GDI2: variants seen among roughly 807,000 people sequenced by gnomAD.
GDI2 encodes the protein GDP dissociation inhibitor 2.
GDI2 carries 22 observed loss-of-function variants against 54.2 expected under a neutral mutation model. The observed-to-expected ratio is 0.41, with a 90% CI of 0.29 to 0.58. The LOEUF (loss-of-function observed/expected upper bound fraction) is 0.58, where lower values mean the gene tolerates loss of function less well. GDI2 is among the 20% of genes least tolerant of loss of function. GDI2 has a pLI of 0.35. For synonymous variants in GDI2, 177 were observed against 182.1 expected (o/e 0.97, Z 0.23); for missense variants, 422 against 546.0 (o/e 0.77, Z 2.26).
At chr10:5,780,871 A>C (rs1840738714) in intron 6 of GDI2, among the ~76,000 whole-genome samples, 2 of 152,200 alleles carry the variant, frequency 1.3e-5, no homozygotes, top group South Asian at 4.1e-4. Context: ...CAAAATCCCA[A>C]CAAGCATGTT....
At chr10:5,785,775 G>T in intron 5 of GDI2, 77 bp downstream of exon 5, 1 of 888,570 alleles carries the variant, frequency 1.1e-6, no homozygotes, top group Non-Finnish European at 1.8e-6. Flanking sequence ...TGTTTTGTTA[G>T]AATTTCCACT....
rs1165735549 is a variant in GDI2, at chr10:5,794,188, AATATATATATAT to A, written c.388+685_388+696del. 7.8e-3 allele frequency among the ~76,000 whole-genome samples: 316 copies of A among 40,274 alleles called. 6 individuals carry two copies. Among genetic ancestry groups the A allele is most frequent in the East Asian group, 0.07 (66 of 948 alleles). 26.4% of individuals were successfully genotyped at this position (40,274 alleles called of 152,430 possible). A position where few individuals can be genotyped will look rare whatever the true frequency, so the allele number is the denominator to read the frequency against. ...TCTTTAAAAGAAAAAAAAAAAAAAAAATATATATATATATATATATATATATATATATATATA... is the reference window on the plus strand; with the variant it reads ...TCTTTAAAAGAAAAAAAAAAAAAAAAATATATATATATATATATATATATA... On this transcript the variant is annotated intron_variant, in intron 4 of 10. Transcript: ENST00000380191.
Position 5,796,851 on chromosome 10 carries a change from T to C in GDI2, c.165A>G (p.Arg55=). Residue 55 remains arginine, a synonymous_variant, in exon 3 of 11, where the codon AGA becomes AGG. Coordinates refer to ENST00000380191, the MANE Select transcript of GDI2 (RefSeq NM_001494.4). The part of the protein sequence containing the change: ...SITPLEDLYK[R]FKIPGSPPES... ...CGGGTGGTGATCCTGGTATTTTAAA[T>C]CTTTTGTATAACTAAAAGCAAGGAA... is the stretch of plus-strand genomic sequence containing the variant. 6.5e-7 allele frequency: 1 copy of C among 1,545,552 alleles called. No homozygotes were observed. The highest frequency in any genetic ancestry group is 1.7e-5 in the Admixed American group (1 of 59,808).
rs190610841 is a variant in GDI2, at chr10:5,771,143, G to A, written c.819+2699C>T. The stretch of plus-strand genomic sequence containing the variant: ...TAATCTAATGAATATAAAAGTCAAG[G>A]TAATTATTAAACTGTCGGTAACTAC... On this transcript the variant is annotated intron_variant, in intron 7 of 10. Transcript: ENST00000380191. Among the ~76,000 whole-genome samples, 494 of 152,030 alleles carry A rather than the reference G, an allele frequency of 3.2e-3. 1 individual carries two copies. Among genetic ancestry groups the A allele is most frequent in the Non-Finnish European group, 3.2e-3 (219 of 68,002 alleles).
rs1428659271 is a variant in GDI2, at chr10:5,777,986, G to A, written c.720-4045C>T. On this transcript the variant is annotated intron_variant, in intron 6 of 10. Transcript: ENST00000380191. ...AAGGATGAGTTCATGTCCTTTGCAG[G>A]GACATGGATGAAGCTGGAAACCATC... 2.0e-5 allele frequency among the ~76,000 whole-genome samples: 3 copies of A among 152,110 alleles called. No individual in the cohort carries two copies. In the East Asian group the frequency reaches 5.8e-4, roughly 29 times the overall value.
intron 6 of GDI2, among the ~76,000 whole-genome samples, chr10:5,777,530 C>T (rs1378628932): frequency 1.3e-5 from 2 of 152,166 alleles, no homozygotes; most frequent in African/African-American, 4.8e-5. Flanking sequence ...TGAAAAAAAG[C>T]TCATCATCAC....
chr10:5,793,275 G>A lies in GDI2; in HGVS notation c.388+1610C>T, dbSNP rs567707877. On this transcript the variant is annotated intron_variant, in intron 4 of 10. Transcript: ENST00000380191. Reference sequence around the variant, plus strand: ...TTCCCAAAGCAATGGGATCACAAGCGTGAGCCACCACACCACACCACTGTT... The same window carrying A: ...TTCCCAAAGCAATGGGATCACAAGCATGAGCCACCACACCACACCACTGTT... Among the ~76,000 whole-genome samples, 11 of 152,244 alleles carry A rather than the reference G, an allele frequency of 7.2e-5. No homozygotes were observed. In the East Asian group the frequency reaches 1.5e-3, roughly 21 times the overall value.
chr10:5,798,101 T>A (rs1485456365), intron 2 of GDI2, among the ~76,000 whole-genome samples: 1 of 152,164 alleles, frequency 6.6e-6, no homozygotes, highest in Non-Finnish European at 1.5e-5. Flanking sequence ...ATCATATCCA[T>A]CACCTCCAAA....
In GDI2 at chr10:5,786,150, G is replaced by A. The variant is rs550605437; in HGVS notation, c.389-100C>T. The A allele has an allele frequency of 3.0e-4, 205 of 677,912 alleles. 1 individual carries two copies. The highest frequency in any genetic ancestry group is 1.8e-3 in the Middle Eastern group (6 of 3,394). 42.0% of individuals were successfully genotyped at this position (677,912 alleles called of 1,614,324 possible). A position where few individuals can be genotyped will look rare whatever the true frequency, so the allele number is the denominator to read the frequency against. On this transcript the variant is annotated intron_variant, in intron 4 of 10. Coordinates refer to ENST00000380191, the MANE Select transcript of GDI2 (RefSeq NM_001494.4). Reference sequence around the variant, plus strand: ...TTAAACATGCCTTGTTATCAACTGCGGAATGCAGGATGCAATTTTTTTTTT... The same window carrying A: ...TTAAACATGCCTTGTTATCAACTGCAGAATGCAGGATGCAATTTTTTTTTT...
chr10:5,778,982 T>C (rs913087805), intron 6 of GDI2, among the ~76,000 whole-genome samples: 9 of 152,090 alleles, frequency 5.9e-5, no homozygotes, highest in Non-Finnish European at 8.8e-5. Flanking sequence ...TTACTAGACA[T>C]GGGAAGAAAC....
chr10:5,808,154 T>C (rs548654506), intron 1 of GDI2, among the ~76,000 whole-genome samples: 163 of 151,984 alleles, frequency 1.1e-3, no homozygotes, highest in Non-Finnish European at 1.9e-3. Flanking sequence ...CTGGACAACA[T>C]GGCAAAACCC....
chr10:5,781,528 G>C (rs566890116), intron 6 of GDI2, among the ~76,000 whole-genome samples: 1 of 151,566 alleles, frequency 6.6e-6, no homozygotes, highest in African/African-American at 2.4e-5. Context: ...AGGAGGCTGA[G>C]GCAGGAGAAT....
At chr10:5,786,688 C>T (rs1564393604) in intron 4 of GDI2, among the ~76,000 whole-genome samples, 1 of 152,042 alleles carries the variant, frequency 6.6e-6, no homozygotes, top group Middle Eastern at 3.2e-3. Flanking sequence ...ATGAAGCCAC[C>T]CATCTGAAGA....
chr10:5,781,370 G>C (rs1840750160), intron 6 of GDI2, among the ~76,000 whole-genome samples: 1 of 151,892 alleles, frequency 6.6e-6, no homozygotes, highest in African/African-American at 2.4e-5. Context: ...GCTCACGCTT[G>C]TAATCCCAGC....
At position 5,766,672 on chromosome 10, in the gene GDI2, G is replaced by A. The variant is rs1840342184; in HGVS notation, c.992-34C>T. 8 of 1,597,586 alleles carry A rather than the reference G, an allele frequency of 5.0e-6. No homozygotes were observed. Among genetic ancestry groups the A allele is most frequent in the South Asian group, 4.4e-5 (4 of 90,688 alleles). On this transcript the variant is annotated intron_variant, in intron 8 of 10. Coordinates refer to ENST00000380191, the MANE Select transcript of GDI2 (RefSeq NM_001494.4). The surrounding 1 kb of genome is among the most constrained non-coding windows in gnomAD (Gnocchi z 5.8). ...AAATGATACCAGCTCACTGCCTCAA[G>A]TGTCTCCATCTGGGACCCAACATAC...
At position 5,785,374 on chromosome 10, in the gene GDI2, T is replaced by G. The variant is rs1840850994; in HGVS notation, c.588-101A>C. ...AGCGATTTCAATCCGCTATCTTCTTTTTTGTTTTTTTGTTTTTTGAGACAG... is the reference window on the plus strand; with the variant it reads ...AGCGATTTCAATCCGCTATCTTCTTGTTTGTTTTTTTGTTTTTTGAGACAG... On this transcript the variant is annotated intron_variant, in intron 5 of 10. Coordinates refer to ENST00000380191, the MANE Select transcript of GDI2 (RefSeq NM_001494.4). The G allele has an allele frequency of 5.5e-5, 46 of 842,110 alleles. 2 individuals are homozygous for G. The South Asian group carries it at 8.3e-4, about 15-fold the overall frequency. 52.2% of individuals were successfully genotyped at this position (842,110 alleles called of 1,614,324 possible).
In GDI2 at chr10:5,766,702, G is replaced by GT. The variant is rs1840343115; in HGVS notation, c.992-65dup. 4.5e-6 allele frequency: 6 copies of GT among 1,323,668 alleles called. No individual in the cohort carries two copies. Among genetic ancestry groups the GT allele is most frequent in the Non-Finnish European group, 6.5e-6 (6 of 919,424 alleles). The allele number at this position is 1,323,668 out of a possible 1,614,324, so 82.0% of individuals were successfully genotyped here. A position where few individuals can be genotyped will look rare whatever the true frequency, so the allele number is the denominator to read the frequency against. On this transcript the variant is annotated intron_variant, in intron 8 of 10. Coordinates refer to ENST00000380191, the MANE Select transcript of GDI2 (RefSeq NM_001494.4). This position sits in a 1 kb window ranked among gnomAD's most constrained non-coding sequence, Gnocchi z 5.8. The stretch of plus-strand genomic sequence containing the variant: ...TCCATCTGGGACCCAACATACTCAG[G>GT]TATCACCCATATGTCATGAGGTGTG...
intron 8 of GDI2, among the ~76,000 whole-genome samples, chr10:5,767,802 G>A (rs1840392240): frequency 6.6e-6 from 1 of 152,218 alleles, no homozygotes; most frequent in East Asian, 1.9e-4. Flanking sequence ...CCTGATCACA[G>A]AAATGAAAGG....
chr10:5,779,424 C>T (rs1451798439), intron 6 of GDI2, among the ~76,000 whole-genome samples: 8 of 151,718 alleles, frequency 5.3e-5, no homozygotes, highest in Non-Finnish European at 1.2e-4. Flanking sequence ...AGGAGAATCG[C>T]TTGAACCCGG....
Sources: allele counts gnomAD v4.1 joint callset (sites outside exome capture counted in the v4.1 genomes callset), GRCh38; gene constraint gnomAD v4.1.1; non-coding constraint Gnocchi (gnomAD v3.1); transcripts MANE v1.5; gene names NCBI Gene and HGNC (gene_info 2026-07-23, HGNC 2026-07-21).